PPIP5K2: variants seen among roughly 807,000 people sequenced by gnomAD.
PPIP5K2 encodes the protein inositol hexakisphosphate and diphosphoinositol-pentakisphosphate kinase 2.
A neutral mutation model predicts 154.6 loss-of-function variants in PPIP5K2; 105 were observed. That is an observed-to-expected ratio of 0.68 (90% CI 0.58 to 0.80). PPIP5K2 has a LOEUF of 0.80. Ranked by LOEUF, PPIP5K2 falls within the 30% of genes least tolerant of loss-of-function variation. PPIP5K2 has a pLI of 0.00. For synonymous variants in PPIP5K2, 480 were observed against 490.3 expected, an observed-to-expected ratio of 0.98 and a Z score of 0.28; for missense variants, 992 against 1,504.6, an observed-to-expected ratio of 0.66 and a Z score of 5.64.
Position 103,201,547 on chromosome 5 carries a change from T to C in PPIP5K2, c.3645T>C (p.Val1215=). 6.2e-7 allele frequency: 1 copy of C among 1,607,324 alleles called. No individual in the cohort carries two copies. Among genetic ancestry groups the C allele is most frequent in the Non-Finnish European group, 8.5e-7 (1 of 1,177,712 alleles). ...KPATSGPSSA[V]VPNTSSRKKN... ...CTACAAGTGGACCTTCTAGTGCAGT[T>C]GTTCCTAATACCTCATCTCGGAAAA... is the stretch of plus-strand genomic sequence containing the variant. The change falls in exon 31 of 31, where the codon GTT becomes GTC. Residue 1215 remains valine, a synonymous_variant. Transcript: ENST00000358359.
intron 7 of PPIP5K2, among the ~76,000 whole-genome samples, chr5:103,148,809 TC>T (rs1415636570): frequency 6.6e-6 from 1 of 152,098 alleles, no homozygotes; most frequent in African/African-American, 2.4e-5. Context: ...GTTTTTTTTT[TC>T]CTGTAAGTTT....
At chr5:103,154,792 A>G in intron 12 of PPIP5K2, 42 bp from the exon 13 acceptor site, 1 of 1,546,664 alleles carries the variant, frequency 6.5e-7, no homozygotes, top group Non-Finnish European at 8.7e-7. Flanking sequence ...TTTAGTGGTG[A>G]AATTACATAA....
At chr5:103,142,312 C>T (rs898592200) in intron 5 of PPIP5K2, among the ~76,000 whole-genome samples, 1 of 152,180 alleles carries the variant, frequency 6.6e-6, no homozygotes, top group African/African-American at 2.4e-5. Flanking sequence ...CCAGGCTGGC[C>T]GGCTGCTCCG....
At chr5:103,126,078 T>A (rs930626324) in intron 1 of PPIP5K2, among the ~76,000 whole-genome samples, 3 of 152,230 alleles carry the variant, frequency 2.0e-5, no homozygotes, top group South Asian at 4.1e-4. Context: ...CTTTAGAGGC[T>A]TTATACTTGA....
chr5:103,184,920 G>A (rs1417342128), intron 26 of PPIP5K2, among the ~76,000 whole-genome samples, 176 bp downstream of exon 26: 3 of 152,110 alleles, frequency 2.0e-5, no homozygotes, highest in African/African-American at 7.2e-5. Flanking sequence ...ATAAAATGAA[G>A]AAGAGATAGC....
At chr5:103,145,039 A>T (rs1343240765) in intron 5 of PPIP5K2, among the ~76,000 whole-genome samples, 1 of 152,108 alleles carries the variant, frequency 6.6e-6, no homozygotes, top group Non-Finnish European at 1.5e-5. Context: ...CAGAATATAT[A>T]AGAAGCTCAA....
At chr5:103,121,934 A>G (rs1554199174) in intron 1 of PPIP5K2, among the ~76,000 whole-genome samples, 1 of 152,204 alleles carries the variant, frequency 6.6e-6, no homozygotes, top group Non-Finnish European at 1.5e-5. Context: ...CAACCACAAT[A>G]TAGACAATGT....
At chr5:103,174,887 A>G (rs1798470897) in intron 21 of PPIP5K2, among the ~76,000 whole-genome samples, 1 of 151,930 alleles carries the variant, frequency 6.6e-6, no homozygotes, top group Non-Finnish European at 1.5e-5. Context: ...AGTGATACCT[A>G]TTTGCCACAG....
rs1554226708 is a variant in PPIP5K2, at chr5:103,190,931, G to T, written c.3442G>T (p.Ala1148Ser). ...TTTAAAGCAAGTGGATGAATTTCTT[G>T]CTTCCATTGCTTCTCCATCATCTGA... The part of the protein sequence containing the change: ...LSLKQVDEFL[A>S]SIASPSSDVP... Residue 1148 changes from alanine to serine, a missense_variant, in exon 29 of 31, where the codon GCT (alanine) becomes TCT (serine). By Grantham distance (99) the Ala-to-Ser change is moderately conservative (BLOSUM62 1). Around this residue, in one of 9 missense-constraint regions of PPIP5K2, gnomAD observed 131 missense variants for 117.8 expected, o/e 1.11. Transcript: ENST00000358359. 2 of 1,610,010 alleles carry T rather than the reference G, an allele frequency of 1.2e-6. No individual in the cohort carries two copies. Among genetic ancestry groups the T allele is most frequent in the African/African-American group, 1.3e-5 (1 of 74,704 alleles).
chr5:103,128,505 C>A (rs1219791130), intron 1 of PPIP5K2, among the ~76,000 whole-genome samples: 1 of 152,048 alleles, frequency 6.6e-6, no homozygotes, highest in Admixed American at 6.6e-5. Context: ...CTATTTGGCT[C>A]AAGCCATCCT....
intron 28 of PPIP5K2, chr5:103,189,033 C>T: frequency 8.9e-6 from 5 of 559,878 alleles, no homozygotes; most frequent in South Asian, 6.1e-5. Flanking sequence ...TTTTTATTTC[C>T]CCTAACTTTC....
chr5:103,168,012 A>G, intron 18 of PPIP5K2, 60 bp from the exon 19 acceptor site: 3 of 1,056,360 alleles, frequency 2.8e-6, no homozygotes, highest in Non-Finnish European at 4.2e-6. Context: ...TTAACATATT[A>G]ATATATATTC....
chr5:103,130,442 A>C (rs782733126), intron 2 of PPIP5K2, among the ~76,000 whole-genome samples: 6 of 152,170 alleles, frequency 3.9e-5, no homozygotes, highest in Non-Finnish European at 8.8e-5. Flanking sequence ...TTGGAAAGAG[A>C]ATTTAGTTTT....
chr5:103,135,248 T>A (rs1791277341), intron 3 of PPIP5K2, among the ~76,000 whole-genome samples: 1 of 152,168 alleles, frequency 6.6e-6, no homozygotes, highest in African/African-American at 2.4e-5. Flanking sequence ...CTCTACTAGG[T>A]AAGACTGGTA....
chr5:103,196,601 A>G (rs1802122424), intron 30 of PPIP5K2, among the ~76,000 whole-genome samples: 1 of 152,168 alleles, frequency 6.6e-6, no homozygotes, highest in Non-Finnish European at 1.5e-5. Flanking sequence ...TAGTAACTTA[A>G]TCCCAGCTTA....
At chr5:103,196,856 A>G (rs1554228674) in intron 30 of PPIP5K2, among the ~76,000 whole-genome samples, 2 of 152,170 alleles carry the variant, frequency 1.3e-5, no homozygotes, top group Admixed American at 6.6e-5. Flanking sequence ...ATAGGGTAAG[A>G]CAAATGAACA....
At chr5:103,197,936 T>C (rs1465408267) in intron 30 of PPIP5K2, among the ~76,000 whole-genome samples, 1 of 151,954 alleles carries the variant, frequency 6.6e-6, no homozygotes, top group Non-Finnish European at 1.5e-5. Flanking sequence ...TTTTAAAAAT[T>C]ATTTTCTACA....
Position 103,207,486 on chromosome 5 carries a change from C to G in PPIP5K2, c.*5852C>G, listed in dbSNP as rs1213775330. Reference sequence around the variant, plus strand: ...CAATGTATGCTGTATACTACACTTGCATTATGTTATTCACATTTGCTATAG... The same window carrying G: ...CAATGTATGCTGTATACTACACTTGGATTATGTTATTCACATTTGCTATAG... On this transcript the variant is annotated 3_prime_UTR_variant, in exon 31 of 31. Coordinates refer to ENST00000358359, the MANE Select transcript of PPIP5K2 (RefSeq NM_001276277.3). 6.6e-6 allele frequency: 1 copy of G among 152,036 alleles called. No homozygotes were observed. Among genetic ancestry groups the G allele is most frequent in the African/African-American group, 2.4e-5 (1 of 41,416 alleles). 9.4% of individuals were successfully genotyped at this position (152,036 alleles called of 1,614,324 possible). A position where few individuals can be genotyped will look rare whatever the true frequency, so the allele number is the denominator to read the frequency against.
At chr5:103,193,830 C>T (rs916042801) in intron 29 of PPIP5K2, among the ~76,000 whole-genome samples, 8 of 152,128 alleles carry the variant, frequency 5.3e-5, no homozygotes, top group Non-Finnish European at 8.8e-5. Context: ...TCTAGAAGCT[C>T]ATGCCAGTAG....
Sources: gnomAD v4.1 joint callset for allele counts (sites outside exome capture counted in the v4.1 genomes callset) on GRCh38, gnomAD v4.1.1 for gene constraint, gnomAD v4.1.1 regional missense constraint, MANE v1.5 for transcripts, NCBI Gene and HGNC (gene_info 2026-07-23, HGNC 2026-07-21) for gene names.